Variants in EYS observed in about 807,000 individuals in gnomAD.
EYS encodes the protein protein eyes shut homolog.
In EYS, 250 loss-of-function variants were observed where a neutral mutation model predicts 282.1. That is an observed-to-expected ratio of 0.89 (90% CI 0.80 to 0.98). The LOEUF is 0.98. Among genes scored for constraint, EYS ranks in the 50% least tolerant of loss-of-function variants. The pLI is 0.00. For missense variants in EYS, 4,016 were observed against 3,709.0 expected (o/e 1.08, Z -2.15); for synonymous variants, 1,355 against 1,282.9 (o/e 1.06, Z -1.20).
At chr6:64,391,429 G>C (rs55853327) in intron 28 of EYS, among the ~76,000 whole-genome samples, 2 of 151,912 alleles carry the variant, frequency 1.3e-5, no homozygotes, top group Non-Finnish European at 2.9e-5. Context: ...CAGATCTCTC[G>C]GCAGAAACCC....
At position 64,158,637 on chromosome 6, in the gene EYS, C is replaced by CT. The variant is rs1775006233; in HGVS notation, c.6424+71954dup. ...CTAACTCAGTCTCACTCTTCATTAC[C>CT]TTTTTTACCTGAACAATCGTTGGGT... On this transcript the variant is annotated intron_variant, in intron 31 of 42. Transcript: ENST00000503581. Among the ~76,000 whole-genome samples the CT allele has an allele frequency of 3.3e-5, 5 of 152,244 alleles. No individual in the cohort carries two copies. In the South Asian group the frequency reaches 8.3e-4, roughly 25 times the overall value.
At chr6:64,588,678 T>C (rs1373461662) in intron 26 of EYS, among the ~76,000 whole-genome samples, 1 of 152,060 alleles carries the variant, frequency 6.6e-6, no homozygotes, top group Non-Finnish European at 1.5e-5. Context: ...TTCCTTAAAC[T>C]CTACCCATAT....
intron 22 of EYS, among the ~76,000 whole-genome samples, chr6:64,726,870 A>C (rs1289533938): frequency 2.0e-5 from 3 of 152,230 alleles, no homozygotes; most frequent in African/African-American, 7.2e-5. Context: ...CTTTCAAAAC[A>C]GACTTACAAA....
At position 64,912,727 on chromosome 6, in the gene EYS, C is replaced by G. The variant is rs1768040298; in HGVS notation, c.2398G>C (p.Gly800Arg). ...YKSYRCECTS[G>R]WTGQNCSEEI... The stretch of plus-strand genomic sequence containing the variant: ...TCACTACAGTTCTGTCCAGTCCATC[C>G]AGATGTACACTCACATCTGAAATAA... Residue 800 changes from glycine (G) to arginine (R), a missense_variant, in exon 16 of 43, where the codon GGA becomes CGA. Transcript: ENST00000503581. 2 of 1,385,042 alleles carry G rather than the reference C, an allele frequency of 1.4e-6. No individual in the cohort carries two copies. Among genetic ancestry groups the G allele is most frequent in the Non-Finnish European group, 1.9e-6 (2 of 1,060,716 alleles). The allele number at this position is 1,385,042 out of a possible 1,614,324, so 85.8% of individuals were successfully genotyped here.
chr6:64,733,129 G>GA (rs1436729382), intron 22 of EYS: 1 of 152,132 alleles, frequency 6.6e-6, no homozygotes, highest in Non-Finnish European at 1.5e-5. Context: ...AACTCTACAG[G>GA]AAAAAGTGGA....
intron 36 of EYS, among the ~76,000 whole-genome samples, chr6:63,863,926 A>G (rs1772608812): frequency 6.6e-6 from 1 of 152,068 alleles, no homozygotes; most frequent in South Asian, 2.1e-4. Flanking sequence ...CACCCGCCTC[A>G]GCGTCCCAAA....
intron 19 of EYS, among the ~76,000 whole-genome samples, chr6:64,874,770 T>C (rs1176875965): frequency 6.6e-6 from 1 of 152,094 alleles, no homozygotes; most frequent in Non-Finnish European, 1.5e-5. Flanking sequence ...ATTTATAAAT[T>C]ACCTTCCATC....
At chr6:65,192,293 C>CTGTGTGTG (rs58238401) in intron 12 of EYS, among the ~76,000 whole-genome samples, 9,622 of 142,806 alleles carry the variant, frequency 0.067, 744 homozygotes, top group African/African-American at 0.19. Flanking sequence ...TTTTTCTACT[C>CTGTGTGTG]TGTGTGTGTG....
At chr6:63,777,776 T>C (rs1391445103) in intron 40 of EYS, 1 of 456,256 alleles carries the variant, frequency 2.2e-6, no homozygotes, top group East Asian at 3.7e-5. Flanking sequence ...GAATGAGATG[T>C]AGTGATTCAC....
chr6:65,160,776 A>G (rs937842770), intron 12 of EYS, among the ~76,000 whole-genome samples: 6 of 150,962 alleles, frequency 4.0e-5, no homozygotes, highest in Admixed American at 6.6e-5. Context: ...AGATTTGTAT[A>G]TGTAAATTCC....
intron 2 of EYS, among the ~76,000 whole-genome samples, chr6:65,624,411 G>T (rs1766625115): frequency 6.6e-6 from 1 of 152,172 alleles, no homozygotes; most frequent in South Asian, 2.1e-4. Context: ...GACAGTTTCA[G>T]TCTAATCACT....
chr6:63,958,533 T>A (rs1765917607), intron 35 of EYS, among the ~76,000 whole-genome samples: 1 of 152,222 alleles, frequency 6.6e-6, no homozygotes, highest in Non-Finnish European at 1.5e-5. Flanking sequence ...AGCAAATTAT[T>A]CAGAAGATCT....
intron 1 of EYS, among the ~76,000 whole-genome samples, chr6:65,703,494 CTAATA>C (rs1561913276): frequency 6.6e-6 from 1 of 151,568 alleles, no homozygotes; most frequent in African/African-American, 2.4e-5. Context: ...TAGATTTTTG[CTAATA>C]TTACATTTTT....
intron 13 of EYS, among the ~76,000 whole-genome samples, chr6:65,006,057 G>A (rs914688914): frequency 2.6e-5 from 4 of 151,868 alleles, no homozygotes; most frequent in African/African-American, 2.4e-5. Context: ...GTGTCCTTAG[G>A]CACCTAGGCT....
intron 30 of EYS, among the ~76,000 whole-genome samples, chr6:64,287,168 G>T (rs6929757): frequency 0.72 from 108,851 of 151,934 alleles, 39,171 homozygotes; most frequent in African/African-American, 0.79. Context: ...TTTTCACTCT[G>T]GTTTGCCTTA....
chr6:64,518,613 T>C (rs747583135), intron 26 of EYS, among the ~76,000 whole-genome samples: 3 of 151,738 alleles, frequency 2.0e-5, no homozygotes, highest in Non-Finnish European at 4.4e-5. Context: ...ACGGGAATGA[T>C]ATGGTTTGGC....
intron 28 of EYS, among the ~76,000 whole-genome samples, chr6:64,429,158 T>C (rs1479643523): frequency 6.6e-6 from 1 of 152,202 alleles, no homozygotes; most frequent in Non-Finnish European, 1.5e-5. Flanking sequence ...CTGATTTGAC[T>C]AACAGTATTA....
chr6:64,636,378 G>C (rs999465339), intron 22 of EYS, among the ~76,000 whole-genome samples: 7 of 152,264 alleles, frequency 4.6e-5, no homozygotes, highest in African/African-American at 1.7e-4. Context: ...GGGAAAACTG[G>C]CTAGCCATAT....
intron 5 of EYS, among the ~76,000 whole-genome samples, chr6:65,444,841 C>T (rs973844124): frequency 3.9e-5 from 6 of 152,022 alleles, no homozygotes; most frequent in Non-Finnish European, 8.8e-5. Context: ...TATATTTATA[C>T]TTAGATGCTA....
Sources: gnomAD v4.1 joint callset for allele counts (sites outside exome capture counted in the v4.1 genomes callset) on GRCh38, gnomAD v4.1.1 for gene constraint, MANE v1.5 for transcripts, NCBI Gene and HGNC (gene_info 2026-07-23, HGNC 2026-07-21) for gene names.